The following GCSAM variants were observed in gnomAD, a reference collection of about 807,000 sequenced individuals.
The protein encoded by GCSAM is germinal center-associated signaling and motility protein.
A neutral mutation model predicts 17.6 loss-of-function variants in GCSAM; 8 were observed. The ratio of observed to expected loss-of-function variants is 0.46; its 90% CI spans 0.27 to 0.82. The LOEUF is 0.82. GCSAM is among the 40% of genes least tolerant of loss of function. The pLI, the probability that GCSAM is intolerant of heterozygous loss-of-function variation, is 0.15. For synonymous variants in GCSAM, 68 were observed against 69.0 expected, an observed-to-expected ratio of 0.98 and a Z score of 0.07; for missense variants, 192 against 213.5, an observed-to-expected ratio of 0.90 and a Z score of 0.63.
chr3:112,125,096 A>G, intron 5 of GCSAM, 130 bp downstream of exon 5: 3 of 699,644 alleles, frequency 4.3e-6, no homozygotes, highest in Non-Finnish European at 7.8e-6. Context: ...CGAGTTCACA[A>G]GCACTGACAT....
At position 112,120,840 on chromosome 3, in the gene GCSAM, A is replaced by G. The variant is rs957374085; in HGVS notation, c.*2615T>C. 6.6e-6 allele frequency: 1 copy of G among 152,202 alleles called. No homozygotes were observed. Among genetic ancestry groups the G allele is most frequent in the African/African-American group, 2.4e-5 (1 of 41,472 alleles). The allele number at this position is 152,202 out of a possible 1,614,324, so 9.4% of individuals were successfully genotyped here. A position where few individuals can be genotyped will look rare whatever the true frequency, so the allele number is the denominator to read the frequency against. On this transcript the variant is annotated 3_prime_UTR_variant, in exon 6 of 6. Transcript: ENST00000308910. ...AGTGTTACATACAGACATAGTGGGTATTTTGGGACATTAAAATTTATTTAC... is the reference window on the plus strand; with the variant it reads ...AGTGTTACATACAGACATAGTGGGTGTTTTGGGACATTAAAATTTATTTAC...
intron 4 of GCSAM, among the ~76,000 whole-genome samples, chr3:112,126,171 GGTT>G (rs746118748): frequency 2.0e-5 from 3 of 152,158 alleles, no homozygotes; most frequent in Non-Finnish European, 2.9e-5. Flanking sequence ...TGGAAATTGA[GGTT>G]CCCTGGGACC....
intron 2 of GCSAM, chr3:112,128,566 C>CG (rs746694611): frequency 3.6e-5 from 9 of 247,530 alleles, no homozygotes; most frequent in Non-Finnish European, 5.6e-5. Flanking sequence ...TCTTGTTCAT[C>CG]GTGGTATGTA....
Position 112,123,747 on chromosome 3 carries a change from T to C in GCSAM, c.245A>G (p.Glu82Gly). ...ATTGATGAGGGTATAGCACAGCTCC[T>C]CTGAGTAGGTCTGGTCAACATTGTC... ...IQDNVDQTYS[E>G]ELCYTLINHR... The change falls in exon 6 of 6, where the codon GAG becomes GGG. Residue 82 changes from glutamate (E) to glycine (G), a missense_variant. Physicochemically the swap from Glu to Gly is moderately conservative, Grantham distance 98. Transcript: ENST00000308910. 1 of 1,613,416 alleles carries C rather than the reference T, an allele frequency of 6.2e-7. No individual in the cohort carries two copies. Among genetic ancestry groups the C allele is most frequent in the East Asian group, 2.2e-5 (1 of 44,872 alleles).
intron 5 of GCSAM, 72 bp from the exon 6 acceptor site, chr3:112,123,844 AG>A: frequency 6.7e-7 from 1 of 1,488,730 alleles, no homozygotes; most frequent in Non-Finnish European, 9.0e-7. Flanking sequence ...GTCTCAACAC[AG>A]GCTTGACCCT....
intron 2 of GCSAM, chr3:112,128,518 C>T: frequency 3.3e-6 from 1 of 298,910 alleles, no homozygotes; most frequent in Non-Finnish European, 6.6e-6. Context: ...ATATTCTACA[C>T]TAGAATGTGA....
intron 3 of GCSAM, among the ~76,000 whole-genome samples, chr3:112,127,693 G>A (rs2074358946): frequency 6.6e-6 from 1 of 152,182 alleles, no homozygotes; most frequent in African/African-American, 2.4e-5. Context: ...TAAGTTCTAT[G>A]TGCAAGGGAT....
intron 1 of GCSAM, chr3:112,132,842 G>T: frequency 2.2e-6 from 1 of 464,960 alleles, no homozygotes; most frequent in Non-Finnish European, 3.6e-6. Context: ...ACCTTCCTTG[G>T]TAAAGTCTTT....
Position 112,123,341 on chromosome 3 carries a change from G to C in GCSAM, c.*114C>G. 1 of 1,513,178 alleles carries C rather than the reference G, an allele frequency of 6.6e-7. No homozygotes were observed. Among genetic ancestry groups the C allele is most frequent in the East Asian group, 2.3e-5 (1 of 43,336 alleles). 93.7% of individuals were successfully genotyped at this position (1,513,178 alleles called of 1,614,324 possible). A position where few individuals can be genotyped will look rare whatever the true frequency, so the allele number is the denominator to read the frequency against. On this transcript the variant is annotated 3_prime_UTR_variant, in exon 6 of 6. Transcript: ENST00000308910. ...TACAAACCATGCTCTGCAGGGAAAG[G>C]GTTGTTGTGGGAGATAAGCTGGAGG... is the stretch of plus-strand genomic sequence containing the variant.
In GCSAM at chr3:112,123,634, A is replaced by ACT; in HGVS notation, c.356_357dup (p.Leu121ProfsTer69). 6.2e-7 allele frequency: 1 copy of ACT among 1,613,882 alleles called. No individual in the cohort carries two copies. On this transcript the variant is annotated frameshift_variant, in exon 6 of 6. Transcript: ENST00000308910. LOFTEE classifies it low-confidence loss of function (END_TRUNC). ...TACTCAGTCTCAGTTCCTCCCAAGG[A>ACT]CTCTCTGGGTCTCTCAGCTTTGCAG...
Position 112,125,270 on chromosome 3 carries a change from A to C in GCSAM, c.191-16T>G. 6.5e-7 allele frequency: 1 copy of C among 1,546,678 alleles called. No individual in the cohort carries two copies. Among genetic ancestry groups the C allele is most frequent in the Non-Finnish European group, 8.9e-7 (1 of 1,118,658 alleles). On this transcript the variant is annotated splice_polypyrimidine_tract_variant and intron_variant, in intron 4 of 5. Coordinates refer to ENST00000308910, the MANE Select transcript of GCSAM (RefSeq NM_152785.5). ...ATTCTTTCATCTGGAGAAAGAAAAT[A>C]CACTCAATGAATTTCAGGTTATGGG...
chr3:112,125,540 A>G (rs553715246), intron 4 of GCSAM, among the ~76,000 whole-genome samples: 1 of 152,342 alleles, frequency 6.6e-6, no homozygotes, highest in East Asian at 1.9e-4. Context: ...CTCCTTACCT[A>G]GCCCCGTCTC....
Position 112,122,966 on chromosome 3 carries a change from C to T in GCSAM, c.*489G>A. 1 of 170,122 alleles carries T rather than the reference C, an allele frequency of 5.9e-6. No homozygotes were observed. Among genetic ancestry groups the T allele is most frequent in the Non-Finnish European group, 1.3e-5 (1 of 78,508 alleles). 10.5% of individuals were successfully genotyped at this position (170,122 alleles called of 1,614,324 possible). On this transcript the variant is annotated 3_prime_UTR_variant, in exon 6 of 6. Coordinates refer to ENST00000308910, the MANE Select transcript of GCSAM (RefSeq NM_152785.5). ...AAAGGACACTATGTAAAAGACATGA[C>T]TTAGACACATGGAGTGAGAGGAGCA...
rs1041679533 is a variant in GCSAM at position 112,123,197 on chromosome 3, A to G, written c.*258T>C. 1 of 560,198 alleles carries G rather than the reference A, an allele frequency of 1.8e-6. No homozygotes were observed. Among genetic ancestry groups the G allele is most frequent in the Non-Finnish European group, 3.1e-6 (1 of 326,266 alleles). 34.7% of individuals were successfully genotyped at this position (560,198 alleles called of 1,614,324 possible). A position where few individuals can be genotyped will look rare whatever the true frequency, so the allele number is the denominator to read the frequency against. On this transcript the variant is annotated 3_prime_UTR_variant, in exon 6 of 6. Coordinates refer to ENST00000308910, the MANE Select transcript of GCSAM (RefSeq NM_152785.5). Reference sequence around the variant, plus strand: ...GGGGAATCAGGGAGCCCCTCCTACCACTATACTCTCCAAACCATGTAGAAC... The same window carrying G: ...GGGGAATCAGGGAGCCCCTCCTACCGCTATACTCTCCAAACCATGTAGAAC...
At chr3:112,126,586 C>G (rs1303951083) in intron 4 of GCSAM, among the ~76,000 whole-genome samples, 1 of 152,196 alleles carries the variant, frequency 6.6e-6, no homozygotes, top group African/African-American at 2.4e-5. Context: ...CCCCCGCCTC[C>G]CCACTGTGTA....
At chr3:112,126,472 C>T (rs1306644892) in intron 4 of GCSAM, among the ~76,000 whole-genome samples, 1 of 152,152 alleles carries the variant, frequency 6.6e-6, no homozygotes. Flanking sequence ...CTGCACCAGC[C>T]TCGTAAGTGT....
chr3:112,130,355 C>G, intron 2 of GCSAM, 90 bp downstream of exon 2: 1 of 993,736 alleles, frequency 1.0e-6, no homozygotes, highest in South Asian at 1.3e-5. Flanking sequence ...AAACAGGGCC[C>G]TCTCTCACTG....
chr3:112,123,675 T>C lies in GCSAM; in HGVS notation c.317A>G (p.Tyr106Cys). The change falls in exon 6 of 6, where the codon TAC becomes TGC. Residue 106 changes from tyrosine (Y) to cysteine (C), a missense_variant. By Grantham distance (194) the Tyr-to-Cys change is radical (BLOSUM62 -2). Transcript: ENST00000308910. ...TRPSGNSAEEYYENVPCKAER... is the reference protein window; with the variant it reads ...TRPSGNSAEECYENVPCKAER... ...AGCTTTGCAGGGAACATTCTCATAG[T>C]ACTCTTCAGCAGAGTTCCCTGATGG... 6.2e-7 allele frequency: 1 copy of C among 1,614,190 alleles called. No homozygotes were observed. The highest frequency in any genetic ancestry group is 8.5e-7 in the Non-Finnish European group (1 of 1,180,008).
At chr3:112,133,010 G>A in intron 1 of GCSAM, 82 bp downstream of exon 1, 1 of 1,424,640 alleles carries the variant, frequency 7.0e-7, no homozygotes, top group Non-Finnish European at 9.8e-7. Flanking sequence ...TGTGCTAACT[G>A]TATACTAGCT....
Sources: gnomAD v4.1 joint callset for allele counts (sites outside exome capture counted in the v4.1 genomes callset) on GRCh38, gnomAD v4.1.1 for gene constraint, MANE v1.5 for transcripts, NCBI Gene and HGNC (gene_info 2026-07-23, HGNC 2026-07-21) for gene names.